The following RAB6A variants were observed in gnomAD, a reference collection of about 807,000 sequenced individuals.
The protein encoded by RAB6A is RAB6A, member RAS oncogene family, also known as ras-related protein Rab-6A.
A neutral mutation model predicts 32.3 loss-of-function variants in RAB6A; 8 were observed. The observed-to-expected ratio is 0.25, with a 90% CI of 0.15 to 0.45. RAB6A has a LOEUF of 0.45. RAB6A is among the 20% of genes least tolerant of loss of function. The pLI, the probability that RAB6A is intolerant of heterozygous loss-of-function variation, is 1.00. For synonymous variants in RAB6A, 73 were observed against 82.1 expected (o/e 0.89, Z 0.60); for missense variants, 104 against 249.4 (o/e 0.42, Z 3.93).
chr11:73,705,495 C>T lies in RAB6A; in HGVS notation c.495+1925G>A, dbSNP rs1055721252. Among the ~76,000 whole-genome samples the T allele has an allele frequency of 2.0e-5, 3 of 152,160 alleles. No homozygotes were observed. The South Asian group carries it at 6.2e-4, about 32-fold the overall frequency. On this transcript the variant is annotated intron_variant, in intron 6 of 7. Coordinates refer to ENST00000336083, the MANE Select transcript of RAB6A (RefSeq NM_198896.2). Reference sequence around the variant, plus strand: ...CCCTGGAGGCAGAGGTTGCAGTGAGCCGAGATTGCACCACTGCACTCAGCC... The same window carrying T: ...CCCTGGAGGCAGAGGTTGCAGTGAGTCGAGATTGCACCACTGCACTCAGCC...
At chr11:73,705,767 T>TGAGAGAGAGAGAGAGAGAGAGA (rs3046616) in intron 6 of RAB6A, among the ~76,000 whole-genome samples, 20 of 134,840 alleles carry the variant, frequency 1.5e-4, no homozygotes, top group African/African-American at 4.2e-4. Context: ...ATAATTCCGA[T>TGAGAGAGAGAGAGAGAGAGAGA]GAGAGAGAGA....
At chr11:73,752,862 TAAAA>T (rs931304268) in intron 1 of RAB6A, among the ~76,000 whole-genome samples, 4 of 149,090 alleles carry the variant, frequency 2.7e-5, no homozygotes, top group African/African-American at 9.9e-5. Context: ...AAAAAAATAA[TAAAA>T]AAATGGAAGA....
chr11:73,739,786 G>A (rs963990096), intron 1 of RAB6A, among the ~76,000 whole-genome samples: 1 of 152,154 alleles, frequency 6.6e-6, no homozygotes, highest in African/African-American at 2.4e-5. Context: ...GCCGGGCCCG[G>A]TGGCTCATGC....
At chr11:73,687,015 T>G (rs911516658) in intron 6 of RAB6A, among the ~76,000 whole-genome samples, 4 of 151,910 alleles carry the variant, frequency 2.6e-5, no homozygotes, top group African/African-American at 9.7e-5. Context: ...TTATACATAG[T>G]ATATCCATAA....
intron 1 of RAB6A, among the ~76,000 whole-genome samples, chr11:73,753,491 C>T (rs534986531): frequency 1.3e-3 from 198 of 151,834 alleles, no homozygotes; most frequent in Non-Finnish European, 2.4e-3. Context: ...GCAGGCAGAT[C>T]ACGAGGTCAG....
intron 6 of RAB6A, among the ~76,000 whole-genome samples, chr11:73,687,580 C>T (rs1252835729): frequency 1.3e-5 from 2 of 152,176 alleles, no homozygotes; most frequent in Admixed American, 6.5e-5. Context: ...GGGCCAGGCA[C>T]GGTGGCTCAT....
chr11:73,705,767 TGAGAGAGAGAGAGA>T (rs3046616), intron 6 of RAB6A, among the ~76,000 whole-genome samples: 9 of 134,728 alleles, frequency 6.7e-5, no homozygotes, highest in African/African-American at 1.1e-4. Context: ...ATAATTCCGA[TGAGAGAGAGAGAGA>T]GAGAGAGAGA....
chr11:73,710,522 G>C (rs1945939536), intron 5 of RAB6A, among the ~76,000 whole-genome samples: 1 of 151,718 alleles, frequency 6.6e-6, no homozygotes, highest in South Asian at 2.1e-4. Flanking sequence ...TGGATCATTT[G>C]AGGTCAGAGT....
rs375288486 is a variant in RAB6A at position 73,758,304 on chromosome 11, C to T, written c.70+2262G>A. ...ACAGAAAAAGGACATTAGGTTAAAACTAAAAATCTAAATAAACTATGGACT... is the reference window on the plus strand; with the variant it reads ...ACAGAAAAAGGACATTAGGTTAAAATTAAAAATCTAAATAAACTATGGACT... On this transcript the variant is annotated intron_variant, in intron 1 of 7. Transcript: ENST00000336083. Among the ~76,000 whole-genome samples, 5 of 152,216 alleles carry T rather than the reference C, an allele frequency of 3.3e-5. No homozygotes were observed. In the East Asian group the frequency reaches 5.8e-4, roughly 18 times the overall value.
At chr11:73,752,570 A>G (rs1946684447) in intron 1 of RAB6A, among the ~76,000 whole-genome samples, 1 of 152,182 alleles carries the variant, frequency 6.6e-6, no homozygotes, top group Non-Finnish European at 1.5e-5. Flanking sequence ...TAATCCTAGC[A>G]CTCTGGGAGA....
chr11:73,722,295 A>ATGTGTGTG (rs1369309050), intron 2 of RAB6A: 4 of 80,832 alleles, frequency 4.9e-5, no homozygotes, highest in South Asian at 9.2e-4. Context: ...TCAAATATAT[A>ATGTGTGTG]TGTGTGTGTG....
At chr11:73,679,785 G>T in intron 6 of RAB6A, 65 bp from the exon 7 acceptor site, 15 of 1,592,232 alleles carry the variant, frequency 9.4e-6, no homozygotes, top group Non-Finnish European at 1.3e-5. Flanking sequence ...TGAGGTTTAT[G>T]ATCACTGTAC....
intron 1 of RAB6A, chr11:73,759,919 GCT>G: frequency 5.3e-6 from 4 of 761,160 alleles, no homozygotes; most frequent in Admixed American, 2.8e-5. Context: ...CACTGCCGAC[GCT>G]ACCCCTTTCA....
At chr11:73,733,887 C>A (rs1213011192) in intron 1 of RAB6A, among the ~76,000 whole-genome samples, 2 of 152,128 alleles carry the variant, frequency 1.3e-5, no homozygotes, top group Non-Finnish European at 2.9e-5. Context: ...AAATTTCCAA[C>A]AAGCCATATA....
intron 6 of RAB6A, among the ~76,000 whole-genome samples, chr11:73,704,752 T>C (rs1945806785): frequency 6.6e-6 from 1 of 151,210 alleles, no homozygotes; most frequent in Admixed American, 6.6e-5. Context: ...ATCCCAGCAC[T>C]TTGGGAGGCC....
intron 5 of RAB6A, among the ~76,000 whole-genome samples, chr11:73,709,961 A>ATATATTT (rs1555058418): frequency 1.2e-5 from 1 of 81,740 alleles, no homozygotes; most frequent in African/African-American, 3.5e-5. Context: ...ATATATATAT[A>ATATATTT]TTTTTTTTTT....
intron 1 of RAB6A, among the ~76,000 whole-genome samples, chr11:73,753,527 C>T (rs1215833485): frequency 3.3e-5 from 5 of 151,366 alleles, no homozygotes; most frequent in Non-Finnish European, 2.9e-5. Context: ...CTGGCTAACA[C>T]GGTGAAACCC....
chr11:73,704,941 A>G (rs1255826237), intron 6 of RAB6A, among the ~76,000 whole-genome samples: 1 of 152,092 alleles, frequency 6.6e-6, no homozygotes, highest in Admixed American at 6.6e-5. Context: ...GCTTGCAGTG[A>G]GCCGAGATCA....
chr11:73,692,512 A>G (rs1361065242), intron 6 of RAB6A, among the ~76,000 whole-genome samples: 2 of 150,188 alleles, frequency 1.3e-5, no homozygotes, highest in African/African-American at 4.9e-5. Flanking sequence ...CAAAAAAAAA[A>G]AAAAAAAAAA....
Sources: gnomAD v4.1 joint callset for allele counts (sites outside exome capture counted in the v4.1 genomes callset) on GRCh38, gnomAD v4.1.1 for gene constraint, MANE v1.5 for transcripts, NCBI Gene and HGNC (gene_info 2026-07-23, HGNC 2026-07-21) for gene names.